CABCOCO1: variants seen among roughly 807,000 people sequenced by gnomAD.
CABCOCO1 encodes ciliary-associated calcium-binding coiled-coil protein 1.
CABCOCO1 carries 28 observed loss-of-function variants against 35.7 expected under a neutral mutation model. The ratio of observed to expected loss-of-function variants is 0.78; its 90% CI spans 0.58 to 1.07. The LOEUF (loss-of-function observed/expected upper bound fraction) is 1.07, where lower values mean the gene tolerates loss of function less well. Ranked by LOEUF, CABCOCO1 falls within the 50% of genes least tolerant of loss-of-function variation. The pLI, the probability that CABCOCO1 is intolerant of heterozygous loss-of-function variation, is 0.00. For synonymous variants in CABCOCO1, 95 were observed against 100.1 expected, an observed-to-expected ratio of 0.95 and a Z score of 0.30; for missense variants, 326 against 309.2, an observed-to-expected ratio of 1.05 and a Z score of -0.41.
chr10:61,739,893 G>A (rs370394232), intron 5 of CABCOCO1, among the ~76,000 whole-genome samples: 10 of 152,292 alleles, frequency 6.6e-5, no homozygotes, highest in African/African-American at 2.4e-4. Context: ...AGTGAGCAGA[G>A]ATCGCACCAC....
chr10:61,724,582 A>G (rs571509074), intron 5 of CABCOCO1, among the ~76,000 whole-genome samples: 37 of 152,356 alleles, frequency 2.4e-4, no homozygotes, highest in Middle Eastern at 3.4e-3. Context: ...TAGATTTTAT[A>G]TGAGTGAACA....
chr10:61,722,161 C>T (rs1475751749), intron 5 of CABCOCO1, among the ~76,000 whole-genome samples: 1 of 152,174 alleles, frequency 6.6e-6, no homozygotes, highest in Non-Finnish European at 1.5e-5. Context: ...CAAACTATAT[C>T]TATATTTCCT....
chr10:61,672,547 A>C (rs1839392524), intron 1 of CABCOCO1, among the ~76,000 whole-genome samples, 85 bp from the exon 2 acceptor site: 1 of 152,242 alleles, frequency 6.6e-6, no homozygotes, highest in African/African-American at 2.4e-5. Context: ...CAACTAGACT[A>C]TAAGAAGAGC....
At chr10:61,723,236 G>A (rs1006660995) in intron 5 of CABCOCO1, among the ~76,000 whole-genome samples, 2 of 152,100 alleles carry the variant, frequency 1.3e-5, no homozygotes, top group Admixed American at 6.5e-5. Flanking sequence ...TTACAATTTT[G>A]ATATCTTCTT....
chr10:61,713,703 G>A (rs1242409660), intron 5 of CABCOCO1, among the ~76,000 whole-genome samples: 1 of 152,106 alleles, frequency 6.6e-6, no homozygotes, highest in African/African-American at 2.4e-5. Context: ...CTAGTTTATT[G>A]AGAGTATTTA....
At chr10:61,720,827 C>A (rs548054495) in intron 5 of CABCOCO1, among the ~76,000 whole-genome samples, 8 of 151,476 alleles carry the variant, frequency 5.3e-5, no homozygotes, top group Non-Finnish European at 1.0e-4. Context: ...GGTAAGCACC[C>A]GTGTACAAAC....
chr10:61,669,485 ATT>A (rs35590098), intron 1 of CABCOCO1, among the ~76,000 whole-genome samples: 2,366 of 152,086 alleles, frequency 0.016, 39 homozygotes, highest in East Asian at 0.046. Context: ...TATATCTTTA[ATT>A]TTTACAAAGC....
chr10:61,691,126 T>C (rs531922422), intron 5 of CABCOCO1, among the ~76,000 whole-genome samples: 8 of 152,272 alleles, frequency 5.3e-5, no homozygotes, highest in African/African-American at 1.9e-4. Flanking sequence ...ATCAATCCTG[T>C]TATTGTGTGC....
chr10:61,664,027 A>G (rs902905229), intron 1 of CABCOCO1, among the ~76,000 whole-genome samples: 9 of 152,184 alleles, frequency 5.9e-5, no homozygotes, highest in African/African-American at 2.2e-4. Flanking sequence ...AAATGAGGAA[A>G]CACAAGGAGC....
intron 5 of CABCOCO1, among the ~76,000 whole-genome samples, chr10:61,698,594 T>C (rs1377723812): frequency 6.6e-6 from 1 of 152,262 alleles, no homozygotes; most frequent in African/African-American, 2.4e-5. Context: ...CTCTCTAAAG[T>C]CAGTGAATGT....
intron 5 of CABCOCO1, among the ~76,000 whole-genome samples, chr10:61,732,224 A>G (rs1408506671): frequency 6.6e-6 from 1 of 152,110 alleles, no homozygotes; most frequent in Admixed American, 6.6e-5. Context: ...GTCTGCCTGG[A>G]TTCCCCAGGG....
chr10:61,702,140 G>T (rs975428579), intron 5 of CABCOCO1, among the ~76,000 whole-genome samples: 1 of 152,080 alleles, frequency 6.6e-6, no homozygotes, highest in African/African-American at 2.4e-5. Flanking sequence ...CATCTTCATT[G>T]AATATATTTC....
In CABCOCO1 at chr10:61,739,767, C is replaced by T. The variant is rs139928358; in HGVS notation, c.553-20292C>T. On this transcript the variant is annotated intron_variant, in intron 5 of 7. Coordinates refer to ENST00000648843, the MANE Select transcript of CABCOCO1 (RefSeq NM_001366906.2). The stretch of plus-strand genomic sequence containing the variant: ...ACCATCCTTGCTAACACAGTGAAAC[C>T]CTGTCTCTACTAAAAATACGAAAAT... Among the ~76,000 whole-genome samples, 4 of 152,082 alleles carry T rather than the reference C, an allele frequency of 2.6e-5. No homozygotes were observed. In the East Asian group the frequency reaches 7.7e-4, roughly 29 times the overall value.
chr10:61,664,545 A>G (rs1445938925), intron 1 of CABCOCO1, among the ~76,000 whole-genome samples: 2 of 152,184 alleles, frequency 1.3e-5, no homozygotes, highest in Non-Finnish European at 2.9e-5. Flanking sequence ...GTCAGCTTGC[A>G]CATTTTTCAA....
chr10:61,715,666 AT>A (rs1428150408), intron 5 of CABCOCO1, among the ~76,000 whole-genome samples: 1 of 151,952 alleles, frequency 6.6e-6, no homozygotes, highest in African/African-American at 2.4e-5. Flanking sequence ...GTTTCTTTCC[AT>A]GTTTAGTGCT....
intron 1 of CABCOCO1, among the ~76,000 whole-genome samples, chr10:61,669,233 AT>A (rs1215569689): frequency 6.6e-6 from 1 of 151,968 alleles, no homozygotes; most frequent in African/African-American, 2.4e-5. Flanking sequence ...ATATATACAA[AT>A]GTGAAAAGTT....
intron 1 of CABCOCO1, among the ~76,000 whole-genome samples, chr10:61,663,374 T>G (rs546289071): frequency 6.3e-5 from 9 of 143,408 alleles, no homozygotes; most frequent in Middle Eastern, 3.7e-3. Context: ...GTTTTTCATG[T>G]TTTTTTTTTT....
chr10:61,699,668 GAGA>G (rs1425518694), intron 5 of CABCOCO1, among the ~76,000 whole-genome samples: 2 of 151,858 alleles, frequency 1.3e-5, no homozygotes, highest in African/African-American at 4.8e-5. Context: ...AAAAAAGCGA[GAGA>G]AGAAGGAAGG....
intron 5 of CABCOCO1, among the ~76,000 whole-genome samples, chr10:61,719,210 A>C (rs1008490419): frequency 1.2e-4 from 18 of 152,206 alleles, no homozygotes; most frequent in African/African-American, 4.3e-4. Flanking sequence ...TAGAAAAACA[A>C]ATTATGAAAG....
Sources: allele counts gnomAD v4.1 joint callset (sites outside exome capture counted in the v4.1 genomes callset), GRCh38; gene constraint gnomAD v4.1.1; transcripts MANE v1.5; gene names NCBI Gene and HGNC (gene_info 2026-07-23, HGNC 2026-07-21).